PTPRT: variants seen among roughly 807,000 people sequenced by gnomAD.
PTPRT encodes the protein protein tyrosine phosphatase receptor type T.
PTPRT carries 56 observed loss-of-function variants against 176.8 expected under a neutral mutation model. The ratio of observed to expected loss-of-function variants is 0.32; its 90% CI spans 0.26 to 0.40. PTPRT has a LOEUF of 0.40. Among genes scored for constraint, PTPRT ranks in the 10% least tolerant of loss-of-function variants. The pLI, the probability that PTPRT is intolerant of heterozygous loss-of-function variation, is 1.00. For missense variants in PTPRT, 1,540 were observed against 1,908.2 expected (o/e 0.81, Z 3.60); for synonymous variants, 783 against 739.0 (o/e 1.06, Z -0.96).
intron 9 of PTPRT, among the ~76,000 whole-genome samples, chr20:42,358,035 G>A (rs2058381490): frequency 1.3e-5 from 2 of 151,772 alleles, no homozygotes; most frequent in South Asian, 4.2e-4. Flanking sequence ...AATGCTATGT[G>A]AGAGCCTAGA....
chr20:42,242,298 TAG>T (rs1005898912), intron 14 of PTPRT, among the ~76,000 whole-genome samples: 6 of 152,208 alleles, frequency 3.9e-5, no homozygotes, highest in African/African-American at 1.4e-4. Context: ...GTATAATCCA[TAG>T]AGAGTTGATC....
chr20:42,545,881 T>A (rs79762198), intron 7 of PTPRT, among the ~76,000 whole-genome samples: 11,628 of 152,292 alleles, frequency 0.076, 621 homozygotes, highest in Non-Finnish European at 0.11. Context: ...TGTTTCTAAG[T>A]GTGTGTCTTC....
chr20:42,930,477 C>G (rs1979767264), intron 1 of PTPRT, among the ~76,000 whole-genome samples: 1 of 151,272 alleles, frequency 6.6e-6, no homozygotes, highest in Non-Finnish European at 1.5e-5. Context: ...TTACTTATTT[C>G]TATTTAATTA....
intron 1 of PTPRT, among the ~76,000 whole-genome samples, chr20:42,921,977 C>G (rs1400469293): frequency 2.0e-5 from 3 of 152,166 alleles, no homozygotes; most frequent in Non-Finnish European, 2.9e-5. Context: ...GCTGTGTCAC[C>G]CAGGCTGGAG....
chr20:43,002,307 T>C (rs1984619810), intron 1 of PTPRT, among the ~76,000 whole-genome samples: 2 of 152,096 alleles, frequency 1.3e-5, no homozygotes, highest in African/African-American at 4.8e-5. Flanking sequence ...AACGAACTAA[T>C]ACAAGGGCAG....
intron 1 of PTPRT, among the ~76,000 whole-genome samples, chr20:42,906,692 G>T (rs1013724638): frequency 6.6e-6 from 1 of 152,160 alleles, no homozygotes; most frequent in Non-Finnish European, 1.5e-5. Context: ...GGTTTGAGCA[G>T]CAGGGCACTG....
intron 16 of PTPRT, among the ~76,000 whole-genome samples, chr20:42,161,829 T>G (rs535995714): frequency 3.5e-4 from 53 of 152,284 alleles, no homozygotes; most frequent in African/African-American, 1.2e-3. Context: ...GTCCTTCGTT[T>G]AGACTTTGTT....
intron 4 of PTPRT, among the ~76,000 whole-genome samples, chr20:42,774,869 G>A (rs988507594): frequency 6.6e-6 from 1 of 152,164 alleles, no homozygotes; most frequent in Non-Finnish European, 1.5e-5. Context: ...TTGTGCTTAT[G>A]TGGGGGGCCT....
At chr20:42,344,925 C>T (rs921600742) in intron 11 of PTPRT, among the ~76,000 whole-genome samples, 1 of 152,058 alleles carries the variant, frequency 6.6e-6, no homozygotes, top group Non-Finnish European at 1.5e-5. Context: ...CTAGGTTACA[C>T]TCTTCCCTTC....
At chr20:42,473,405 T>C (rs2071233881) in intron 7 of PTPRT, among the ~76,000 whole-genome samples, 1 of 152,186 alleles carries the variant, frequency 6.6e-6, no homozygotes, top group African/African-American at 2.4e-5. Flanking sequence ...ATAATAAACA[T>C]GATGTTTTTC....
At chr20:43,130,670 C>A (rs760434465) in intron 1 of PTPRT, among the ~76,000 whole-genome samples, 25 of 151,982 alleles carry the variant, frequency 1.6e-4, no homozygotes, top group Non-Finnish European at 2.9e-4. Context: ...AAATAATCTA[C>A]AGAATCCAGA....
At chr20:42,614,293 C>G (rs891164858) in intron 7 of PTPRT, among the ~76,000 whole-genome samples, 1 of 152,286 alleles carries the variant, frequency 6.6e-6, no homozygotes, top group African/African-American at 2.4e-5. Flanking sequence ...AACACACACA[C>G]CTAATGACCT....
intron 1 of PTPRT, among the ~76,000 whole-genome samples, chr20:43,045,991 G>T (rs1986822198): frequency 6.6e-6 from 1 of 152,082 alleles, no homozygotes; most frequent in South Asian, 2.1e-4. Flanking sequence ...CCAAAGAGAT[G>T]GAAGAGTGAA....
intron 1 of PTPRT, among the ~76,000 whole-genome samples, chr20:43,055,820 C>T (rs530516634): frequency 1.3e-5 from 2 of 151,984 alleles, no homozygotes; most frequent in African/African-American, 4.8e-5. Context: ...CTGTGTGATC[C>T]CCAAGATGCT....
chr20:42,893,789 C>T (rs1451918493), intron 1 of PTPRT, among the ~76,000 whole-genome samples: 2 of 149,958 alleles, frequency 1.3e-5, no homozygotes, highest in Non-Finnish European at 3.0e-5. Context: ...CATGTTCTCA[C>T]TCATAGATGG....
chr20:42,425,958 G>A (rs925976251), intron 9 of PTPRT, among the ~76,000 whole-genome samples: 5 of 152,172 alleles, frequency 3.3e-5, no homozygotes, highest in Non-Finnish European at 7.3e-5. Flanking sequence ...CATAGAGGTG[G>A]AAAAAGCAGA....
At chr20:43,139,240 G>T (rs112539741) in intron 1 of PTPRT, among the ~76,000 whole-genome samples, 23 of 152,162 alleles carry the variant, frequency 1.5e-4, no homozygotes, top group Non-Finnish European at 4.4e-5. Context: ...TCTTTTGCAC[G>T]TGTCTTCTCC....
intron 1 of PTPRT, among the ~76,000 whole-genome samples, chr20:43,019,646 G>A (rs538593860): frequency 6.6e-6 from 1 of 151,130 alleles, no homozygotes; most frequent in Non-Finnish European, 1.5e-5. Context: ...AGAATAATTG[G>A]ACTGCCCCAG....
chr20:42,703,219 C>CAG (rs145647107), intron 6 of PTPRT, among the ~76,000 whole-genome samples: 3,885 of 150,242 alleles, frequency 0.026, 168 homozygotes, highest in African/African-American at 0.089. Context: ...AAGAGAGACA[C>CAG]AGAGAGAGAG....
Sources: allele counts gnomAD v4.1 joint callset (sites outside exome capture counted in the v4.1 genomes callset), GRCh38; gene constraint gnomAD v4.1.1; transcripts MANE v1.5; gene names NCBI Gene and HGNC (gene_info 2026-07-23, HGNC 2026-07-21).